TBC1D5: variants seen among roughly 807,000 people sequenced by gnomAD.
The protein encoded by TBC1D5 is TBC1 domain family member 5.
In TBC1D5, 75 loss-of-function variants were observed where a neutral mutation model predicts 100.3. The observed-to-expected ratio is 0.75, with a 90% CI of 0.62 to 0.91. The LOEUF is 0.91. Ranked by LOEUF, TBC1D5 falls within the 40% of genes least tolerant of loss-of-function variation. TBC1D5 has a pLI of 0.00. For synonymous variants in TBC1D5, 323 were observed against 325.6 expected (o/e 0.99, Z 0.09); for missense variants, 910 against 942.4 (o/e 0.97, Z 0.45).
intron 13 of TBC1D5, among the ~76,000 whole-genome samples, chr3:17,315,118 G>A (rs969953074): frequency 2.6e-5 from 4 of 152,114 alleles, no homozygotes; most frequent in African/African-American, 9.7e-5. Context: ...GTTTCTCTCC[G>A]CATCTTCTCA....
chr3:17,651,631 A>G (rs1258917296), intron 1 of TBC1D5, among the ~76,000 whole-genome samples: 1 of 152,064 alleles, frequency 6.6e-6, no homozygotes, highest in Admixed American at 6.5e-5. Context: ...TGAACCAGGG[A>G]GGCAGAGGTT....
intron 1 of TBC1D5, among the ~76,000 whole-genome samples, chr3:17,728,961 A>G (rs1052562684): frequency 6.7e-6 from 1 of 148,640 alleles, no homozygotes; most frequent in African/African-American, 2.4e-5. Flanking sequence ...AATATTTCCA[A>G]TATATGATAG....
At chr3:17,706,003 AGTCTTGCT>A in intron 1 of TBC1D5, 1 of 1,396,382 alleles carries the variant, frequency 7.2e-7, no homozygotes, top group Non-Finnish European at 9.7e-7. Flanking sequence ...TTTGAGACGG[AGTCTTGCT>A]GTCACCCAGC....
chr3:17,662,948 C>T (rs1490075489), intron 1 of TBC1D5: 2 of 152,046 alleles, frequency 1.3e-5, no homozygotes, highest in Non-Finnish European at 1.5e-5. Flanking sequence ...AATTTTCTTA[C>T]TGGGGTTCAT....
intron 18 of TBC1D5, among the ~76,000 whole-genome samples, chr3:17,211,842 G>A (rs1468971417): frequency 6.6e-6 from 1 of 152,186 alleles, no homozygotes; most frequent in Admixed American, 6.5e-5. Flanking sequence ...AAGGTGCCAG[G>A]TTTAAACTAA....
At chr3:17,255,634 A>G (rs897075808) in intron 16 of TBC1D5, among the ~76,000 whole-genome samples, 2 of 152,208 alleles carry the variant, frequency 1.3e-5, no homozygotes, top group Non-Finnish European at 2.9e-5. Context: ...TTACATATCT[A>G]CTTTAAAATA....
Position 17,569,474 on chromosome 3 carries a change from T to A in TBC1D5, c.-36+54375A>T, listed in dbSNP as rs987235845. Among the ~76,000 whole-genome samples the A allele has an allele frequency of 2.6e-5, 4 of 151,940 alleles. No individual in the cohort carries two copies. In the East Asian group the frequency reaches 7.7e-4, roughly 29 times the overall value. On this transcript the variant is annotated intron_variant, in intron 2 of 21. Transcript: ENST00000253692. ...TAAAACCAATTTATATAAATGATTA[T>A]AATAGCCTATATTATGTTTAGCCCA...
At chr3:17,282,671 C>A (rs1042776383) in intron 15 of TBC1D5, among the ~76,000 whole-genome samples, 1 of 152,188 alleles carries the variant, frequency 6.6e-6, no homozygotes, top group African/African-American at 2.4e-5. Flanking sequence ...CTAAACATCT[C>A]CAAACTGACT....
intron 3 of TBC1D5, among the ~76,000 whole-genome samples, chr3:17,479,697 G>GT (rs770005081): frequency 7.2e-5 from 11 of 152,258 alleles, no homozygotes; most frequent in Non-Finnish European, 1.2e-4. Context: ...AATTAGCCAG[G>GT]TATGCTGTTA....
chr3:17,404,611 C>T, intron 7 of TBC1D5, 83 bp downstream of exon 7: 2 of 1,241,500 alleles, frequency 1.6e-6, no homozygotes, highest in Non-Finnish European at 2.2e-6. Flanking sequence ...AAATATATTG[C>T]TTTCATGGTG....
At chr3:17,354,807 T>C (rs2091040193) in intron 13 of TBC1D5, among the ~76,000 whole-genome samples, 1 of 151,984 alleles carries the variant, frequency 6.6e-6, no homozygotes, top group Non-Finnish European at 1.5e-5. Context: ...TTACCGTGTA[T>C]AAATATACAG....
At chr3:17,737,134 T>C (rs909987205) in intron 1 of TBC1D5, among the ~76,000 whole-genome samples, 3 of 152,160 alleles carry the variant, frequency 2.0e-5, no homozygotes, top group Admixed American at 6.5e-5. Context: ...TCCTAAGATA[T>C]GTGCTTATTC....
chr3:17,339,964 CTTAA>C lies in TBC1D5; in HGVS notation c.996-31834_996-31831del, dbSNP rs138126446. On this transcript the variant is annotated intron_variant, in intron 13 of 21. Transcript: ENST00000253692. ...TGAGAAATATAGCAGTATATGTTTGCTTAATTAATTAGCTAATTAATTAATTTTT... is the reference window on the plus strand; with the variant it reads ...TGAGAAATATAGCAGTATATGTTTGCTTAATTAGCTAATTAATTAATTTTT... Among the ~76,000 whole-genome samples, 535 of 152,210 alleles carry C rather than the reference CTTAA, an allele frequency of 3.5e-3. 1 individual carries two copies. The highest frequency in any genetic ancestry group is 0.012 in the African/African-American group (507 of 41,526).
intron 15 of TBC1D5, among the ~76,000 whole-genome samples, chr3:17,276,097 C>T (rs965207397): frequency 1.3e-5 from 2 of 152,112 alleles, no homozygotes; most frequent in Non-Finnish European, 2.9e-5. Context: ...GGCTTATAAA[C>T]AGAACAAATT....
chr3:17,704,552 C>T (rs1315845955), intron 1 of TBC1D5, among the ~76,000 whole-genome samples: 3 of 72,710 alleles, frequency 4.1e-5, no homozygotes, highest in Non-Finnish European at 5.5e-5. Context: ...GGCGGGGGGC[C>T]GACCCCCCCC....
At chr3:17,455,044 T>G (rs1398903754) in intron 3 of TBC1D5, among the ~76,000 whole-genome samples, 1 of 151,260 alleles carries the variant, frequency 6.6e-6, no homozygotes, top group Non-Finnish European at 1.5e-5. Context: ...TTCAATGCAT[T>G]CGCTATCAAA....
intron 3 of TBC1D5, among the ~76,000 whole-genome samples, chr3:17,493,446 A>G (rs73153059): frequency 0.061 from 9,235 of 151,762 alleles, 542 homozygotes; most frequent in African/African-American, 0.15. Flanking sequence ...AATATCTTCT[A>G]TTTCCTGAAT....
At chr3:17,598,169 C>T (rs925109868) in intron 2 of TBC1D5, among the ~76,000 whole-genome samples, 1 of 152,168 alleles carries the variant, frequency 6.6e-6, no homozygotes, top group African/African-American at 2.4e-5. Flanking sequence ...CCTAAAGAAG[C>T]TGCAGATTCA....
chr3:17,449,496 C>T (rs563040398), intron 3 of TBC1D5, among the ~76,000 whole-genome samples: 10 of 152,344 alleles, frequency 6.6e-5, no homozygotes, highest in African/African-American at 1.7e-4. Context: ...TTGAAATTCT[C>T]GCTGCCAGCA....
Sources: allele counts gnomAD v4.1 joint callset (sites outside exome capture counted in the v4.1 genomes callset), GRCh38; gene constraint gnomAD v4.1.1; transcripts MANE v1.5; gene names NCBI Gene and HGNC (gene_info 2026-07-23, HGNC 2026-07-21).